Variants in MGAT4C observed in about 807,000 individuals in gnomAD.
MGAT4C encodes the protein MGAT4 family member C, also known as alpha-1,3-mannosyl-glycoprotein 4-beta-N-acetylglucosaminyltransferase C.
Under a neutral mutation model 40.1 loss-of-function variants are expected in MGAT4C, and 19 were observed. That is an observed-to-expected ratio of 0.47 (90% CI 0.33 to 0.70). The LOEUF is 0.70. Ranked by LOEUF, MGAT4C falls within the 30% of genes least tolerant of loss-of-function variation. The pLI is 0.02. For missense variants in MGAT4C, 491 were observed against 563.2 expected (o/e 0.87, Z 1.30); for synonymous variants, 181 against 187.1 (o/e 0.97, Z 0.27).
chr12:86,446,658 C>CATATATATATAT lies in MGAT4C; in HGVS notation c.-228-11405_-228-11394dup, dbSNP rs34157468. ...GGACTTAAAATTACATCATGTAACT[C>CATATATATATAT]ATATATATATATATATATATATATA... On this transcript the variant is annotated intron_variant, in intron 2 of 7. Transcript: ENST00000548651. Among the ~76,000 whole-genome samples the CATATATATATAT allele has an allele frequency of 3.4e-4, 12 of 35,320 alleles. 1 individual carries two copies. Among genetic ancestry groups the CATATATATATAT allele is most frequent in the Non-Finnish European group, 6.1e-4 (11 of 17,900 alleles). 23.2% of individuals were successfully genotyped at this position (35,320 alleles called of 152,430 possible). A position where few individuals can be genotyped will look rare whatever the true frequency, so the allele number is the denominator to read the frequency against.
At chr12:86,615,914 G>A (rs1962432270) in intron 2 of MGAT4C, among the ~76,000 whole-genome samples, 1 of 152,052 alleles carries the variant, frequency 6.6e-6, no homozygotes, top group African/African-American at 2.4e-5. Context: ...ACTATTGTGA[G>A]AGACTCTTGC....
chr12:86,024,731 C>T (rs1890095771), intron 2 of MGAT4C, among the ~76,000 whole-genome samples: 1 of 151,714 alleles, frequency 6.6e-6, no homozygotes, highest in Non-Finnish European at 1.5e-5. Flanking sequence ...ACAGCCTACT[C>T]CCAATGAGAT....
intron 1 of MGAT4C, among the ~76,000 whole-genome samples, chr12:86,764,244 C>T (rs1243804944): frequency 2.6e-5 from 4 of 152,100 alleles, no homozygotes; most frequent in African/African-American, 7.2e-5. Context: ...CCTATGCCCA[C>T]GGAGTCTCGC....
At chr12:86,514,649 G>A (rs1307035832) in intron 2 of MGAT4C, among the ~76,000 whole-genome samples, 2 of 152,122 alleles carry the variant, frequency 1.3e-5, no homozygotes. Flanking sequence ...AGAACCCTGT[G>A]ACTACATTGG....
At chr12:86,446,799 C>A (rs1365948997) in intron 2 of MGAT4C, among the ~76,000 whole-genome samples, 1 of 148,728 alleles carries the variant, frequency 6.7e-6, no homozygotes, top group African/African-American at 2.5e-5. Flanking sequence ...CATACTATTG[C>A]CATGGCTCTG....
At chr12:86,233,905 TTG>T (rs1204199489) in intron 1 of MGAT4C, among the ~76,000 whole-genome samples, 1 of 152,142 alleles carries the variant, frequency 6.6e-6, no homozygotes, top group Non-Finnish European at 1.5e-5. Flanking sequence ...CTTGAAAAGT[TTG>T]TGATTTATTT....
At chr12:86,615,441 G>A (rs1187673219) in intron 2 of MGAT4C, among the ~76,000 whole-genome samples, 3 of 151,922 alleles carry the variant, frequency 2.0e-5, no homozygotes, top group Non-Finnish European at 4.4e-5. Flanking sequence ...ATATCTCTGA[G>A]GTGATAAAAG....
chr12:86,463,691 T>G (rs960214081), intron 2 of MGAT4C, among the ~76,000 whole-genome samples: 3 of 152,164 alleles, frequency 2.0e-5, no homozygotes, highest in African/African-American at 7.2e-5. Context: ...AATTCCTTGC[T>G]TAACACCCAT....
chr12:86,788,008 G>T (rs1951961135), intron 1 of MGAT4C, among the ~76,000 whole-genome samples: 3 of 149,212 alleles, frequency 2.0e-5, no homozygotes, highest in Non-Finnish European at 4.5e-5. Flanking sequence ...ATAGATAACA[G>T]AAGAAGAGAC....
intron 4 of MGAT4C, among the ~76,000 whole-genome samples, chr12:86,281,132 T>C (rs1953209118): frequency 6.6e-6 from 1 of 152,112 alleles, no homozygotes; most frequent in Non-Finnish European, 1.5e-5. Flanking sequence ...GTTTATTGGC[T>C]CTTTTTCACT....
chr12:86,095,496 C>T (rs1400344669), intron 1 of MGAT4C, among the ~76,000 whole-genome samples: 2 of 151,872 alleles, frequency 1.3e-5, no homozygotes, highest in Non-Finnish European at 2.9e-5. Flanking sequence ...CTTTTATTAG[C>T]AACTACTTTA....
chr12:86,319,515 G>A (rs908125297), intron 4 of MGAT4C, among the ~76,000 whole-genome samples: 1 of 152,128 alleles, frequency 6.6e-6, no homozygotes, highest in East Asian at 1.9e-4. Context: ...GAATAAAATG[G>A]TCTACCCAAT....
Position 85,975,314 on chromosome 12 carries a change from G to A in MGAT4C, c.*3975C>T, listed in dbSNP as rs1883891991. ...AAGGCCTCTGGTAATGTTTTCCAGG[G>A]TCATATCCTGTTACATATACGTGAC... On this transcript the variant is annotated 3_prime_UTR_variant, in exon 5 of 5. Transcript: ENST00000611864. 6.6e-6 allele frequency: 1 copy of A among 150,888 alleles called. No individual in the cohort carries two copies. The highest frequency in any genetic ancestry group is 2.1e-4 in the South Asian group (1 of 4,832). 9.3% of individuals were successfully genotyped at this position (150,888 alleles called of 1,614,324 possible).
At chr12:86,589,718 G>C (rs1348787178) in intron 2 of MGAT4C, among the ~76,000 whole-genome samples, 1 of 152,014 alleles carries the variant, frequency 6.6e-6, no homozygotes, top group Non-Finnish European at 1.5e-5. Context: ...GATCAAGTGG[G>C]CTTCATCCCT....
At chr12:86,586,132 G>T (rs1961028525) in intron 2 of MGAT4C, among the ~76,000 whole-genome samples, 1 of 122,882 alleles carries the variant, frequency 8.1e-6, no homozygotes, top group Admixed American at 9.9e-5. Flanking sequence ...CCCAGAGTGT[G>T]ATGTTCCCCT....
intron 4 of MGAT4C, among the ~76,000 whole-genome samples, chr12:86,264,484 G>T (rs1003773229): frequency 6.6e-6 from 1 of 152,116 alleles, no homozygotes; most frequent in Admixed American, 6.5e-5. Context: ...GGCGGGGAGG[G>T]GGCTGCGCAC....
intron 1 of MGAT4C, among the ~76,000 whole-genome samples, chr12:86,728,805 C>A (rs1283731496): frequency 6.6e-6 from 1 of 152,142 alleles, no homozygotes; most frequent in Non-Finnish European, 1.5e-5. Flanking sequence ...GTCTAGTGTA[C>A]AAATATATGT....
chr12:86,694,225 A>G (rs1950218164), intron 2 of MGAT4C, among the ~76,000 whole-genome samples: 1 of 152,136 alleles, frequency 6.6e-6, no homozygotes, highest in Non-Finnish European at 1.5e-5. Flanking sequence ...CCACCTCTAC[A>G]TCAATTACCC....
chr12:86,408,392 G>A (rs370770090), intron 3 of MGAT4C, among the ~76,000 whole-genome samples: 28 of 136,308 alleles, frequency 2.1e-4, no homozygotes, highest in South Asian at 1.7e-3. Context: ...TTAGAATGAC[G>A]TAAAATAAAT....
Sources: gnomAD v4.1 joint callset for allele counts (sites outside exome capture counted in the v4.1 genomes callset) on GRCh38, gnomAD v4.1.1 for gene constraint, MANE v1.5 for transcripts, NCBI Gene and HGNC (gene_info 2026-07-23, HGNC 2026-07-21) for gene names.